The following HPSE2 variants were observed in gnomAD, a reference collection of about 807,000 sequenced individuals.
HPSE2 encodes inactive heparanase-2.
In HPSE2, 38 loss-of-function variants were observed where a neutral mutation model predicts 60.5. The observed-to-expected ratio is 0.63, with a 90% CI of 0.48 to 0.82. HPSE2 has a LOEUF of 0.82. Among genes scored for constraint, HPSE2 ranks in the 40% least tolerant of loss-of-function variants. The probability of loss-of-function intolerance (pLI) is 0.00; values close to 1 mark genes in which losing one functional copy is unlikely to be tolerated. For missense variants in HPSE2, 713 were observed against 740.4 expected (o/e 0.96, Z 0.43); for synonymous variants, 295 against 293.2 (o/e 1.01, Z -0.06).
chr10:99,284,725 T>C, the HPSE2 span, among the ~76,000 whole-genome samples: 1 of 152,202 alleles, frequency 6.6e-6, no homozygotes, highest in Admixed American at 6.5e-5. Context: ...GGGGTACGAA[T>C]GTAGGTTTGT....
intron 3 of HPSE2, among the ~76,000 whole-genome samples, chr10:99,129,856 G>A (rs1404548719): frequency 2.0e-5 from 3 of 149,470 alleles, no homozygotes; most frequent in Non-Finnish European, 4.4e-5. Flanking sequence ...TCTTTGAAGA[G>A]ATAAACAAAA....
intron 3 of HPSE2, among the ~76,000 whole-genome samples, chr10:99,140,901 G>A (rs1845843350): frequency 6.6e-6 from 1 of 152,164 alleles, no homozygotes; most frequent in East Asian, 1.9e-4. Context: ...GCCGGATGTG[G>A]TGGCATTTGC....
At chr10:98,488,342 A>C (rs1056223869) in intron 10 of HPSE2, among the ~76,000 whole-genome samples, 2 of 152,220 alleles carry the variant, frequency 1.3e-5, no homozygotes, top group African/African-American at 4.8e-5. Flanking sequence ...CAAATTCTGC[A>C]TTTGTTCATT....
At chr10:98,795,536 A>C (rs2134501909) in intron 3 of HPSE2, among the ~76,000 whole-genome samples, 1 of 152,312 alleles carries the variant, frequency 6.6e-6, no homozygotes, top group South Asian at 2.1e-4. Context: ...AGTTTCTTAG[A>C]AAGTCTCACC....
At chr10:99,069,151 T>A (rs963408593) in intron 3 of HPSE2, among the ~76,000 whole-genome samples, 4 of 152,128 alleles carry the variant, frequency 2.6e-5, no homozygotes, top group African/African-American at 9.7e-5. Context: ...CTAAACCCAG[T>A]TGAAACAAAA....
At chr10:98,942,799 C>T (rs372211739) in intron 3 of HPSE2, among the ~76,000 whole-genome samples, 25 of 151,962 alleles carry the variant, frequency 1.6e-4, no homozygotes, top group Non-Finnish European at 2.8e-4. Flanking sequence ...TATTGCGGCA[C>T]TATTCACAAT....
intron 3 of HPSE2, among the ~76,000 whole-genome samples, chr10:99,092,148 A>C (rs1331709840): frequency 6.6e-5 from 10 of 152,200 alleles, no homozygotes; most frequent in Non-Finnish European, 1.5e-4. Context: ...AGCATATTAA[A>C]GGCTTGGATA....
At chr10:99,149,583 A>G (rs898813438) in intron 2 of HPSE2, among the ~76,000 whole-genome samples, 7 of 152,200 alleles carry the variant, frequency 4.6e-5, no homozygotes, top group Non-Finnish European at 8.8e-5. Context: ...TTATCACAGT[A>G]ATAGAGACAT....
chr10:98,982,360 T>C (rs552352123), intron 3 of HPSE2, among the ~76,000 whole-genome samples: 4 of 152,252 alleles, frequency 2.6e-5, no homozygotes, highest in East Asian at 3.9e-4. Context: ...ATAAAACAGA[T>C]GGAAGATCTA....
intron 9 of HPSE2, among the ~76,000 whole-genome samples, chr10:98,507,803 T>C (rs1942252395): frequency 1.3e-5 from 2 of 152,192 alleles, no homozygotes; most frequent in South Asian, 4.1e-4. Flanking sequence ...CATCTTTCTT[T>C]CATTTTATTA....
intron 3 of HPSE2, among the ~76,000 whole-genome samples, chr10:99,125,035 T>C (rs1265922009): frequency 1.3e-5 from 2 of 152,224 alleles, no homozygotes; most frequent in Middle Eastern, 3.2e-3. Context: ...CAGCAGAAGA[T>C]AGTGGTATAC....
chr10:98,541,478 G>A (rs944171587), intron 9 of HPSE2, among the ~76,000 whole-genome samples: 4 of 152,158 alleles, frequency 2.6e-5, no homozygotes, highest in African/African-American at 9.7e-5. Context: ...AGGACAGTGG[G>A]TGCAGCACAC....
intron 6 of HPSE2, among the ~76,000 whole-genome samples, chr10:98,681,231 G>C (rs186205630): frequency 6.6e-6 from 1 of 152,194 alleles, no homozygotes; most frequent in South Asian, 2.1e-4. Context: ...AATTTGAGCT[G>C]TTAAGTGAAA....
In HPSE2 at chr10:98,490,172, T is replaced by A; in HGVS notation, c.1345A>T (p.Lys449Ter). ...AAGACTTTGGGGCCGATCAGGCGCT[T>A]GTAGAGGAGAGAGAGCCAGTAGTCC... The part of the protein sequence containing the change: ...LPDYWLSLLY[K>*]RLIGPKVLAV... Residue 449 changes from lysine (K) to a stop codon, truncating the protein, a stop_gained, in exon 10 of 12, where the codon AAG becomes TAG. Coordinates refer to ENST00000370552, the MANE Select transcript of HPSE2 (RefSeq NM_021828.5). LOFTEE classifies it high-confidence loss of function. 6.2e-7 allele frequency: 1 copy of A among 1,614,034 alleles called. No individual in the cohort carries two copies. The highest frequency in any genetic ancestry group is 8.5e-7 in the Non-Finnish European group (1 of 1,180,006).
intron 9 of HPSE2, among the ~76,000 whole-genome samples, chr10:98,540,102 C>T (rs749866743): frequency 2.6e-4 from 40 of 152,134 alleles, no homozygotes; most frequent in Non-Finnish European, 5.3e-4. Context: ...CTGAATAGGG[C>T]TAGAAATAGT....
At chr10:99,193,116 T>C (rs976352147) in intron 2 of HPSE2, among the ~76,000 whole-genome samples, 2 of 152,078 alleles carry the variant, frequency 1.3e-5, no homozygotes, top group African/African-American at 2.4e-5. Flanking sequence ...CAATAGGATA[T>C]GAATAGAAAC....
intron 3 of HPSE2, among the ~76,000 whole-genome samples, chr10:98,802,601 G>C (rs1030881002): frequency 6.6e-6 from 1 of 151,170 alleles, no homozygotes; most frequent in African/African-American, 2.4e-5. Context: ...ATAGTTTACT[G>C]AGAATGATGA....
intron 3 of HPSE2, among the ~76,000 whole-genome samples, chr10:98,944,729 GC>G (rs1955128403): frequency 6.6e-6 from 1 of 152,116 alleles, no homozygotes; most frequent in Non-Finnish European, 1.5e-5. Context: ...CACAATGCCT[GC>G]CTATTAGCTT....
chr10:98,766,315 A>G (rs1341127062), intron 3 of HPSE2, among the ~76,000 whole-genome samples: 1 of 152,166 alleles, frequency 6.6e-6, no homozygotes, highest in Non-Finnish European at 1.5e-5. Flanking sequence ...ACCACAGAAC[A>G]TACACTAGTT....
Sources: gnomAD v4.1 joint callset for allele counts (sites outside exome capture counted in the v4.1 genomes callset) on GRCh38, gnomAD v4.1.1 for gene constraint, MANE v1.5 for transcripts, NCBI Gene and HGNC (gene_info 2026-07-23, HGNC 2026-07-21) for gene names.